CNTN5: variants seen among roughly 807,000 people sequenced by gnomAD.
CNTN5 encodes the protein contactin 5.
Under a neutral mutation model 129.1 loss-of-function variants are expected in CNTN5, and 77 were observed. The observed-to-expected ratio is 0.60, with a 90% confidence interval of 0.50 to 0.72. CNTN5 has a LOEUF of 0.72. CNTN5 is among the 30% of genes least tolerant of loss of function. The pLI is 0.00. For synonymous variants in CNTN5, 509 were observed against 465.6 expected (o/e 1.09, Z -1.20); for missense variants, 1,478 against 1,328.8 (o/e 1.11, Z -1.75).
chr11:99,989,684 T>C (rs1938929536), intron 8 of CNTN5, among the ~76,000 whole-genome samples: 1 of 152,214 alleles, frequency 6.6e-6, no homozygotes, highest in South Asian at 2.1e-4. Context: ...ATAATAAACA[T>C]CTACTTTTCT....
At chr11:99,852,888 C>G (rs1197740649) in intron 6 of CNTN5, among the ~76,000 whole-genome samples, 3 of 152,050 alleles carry the variant, frequency 2.0e-5, no homozygotes, top group African/African-American at 2.4e-5. Flanking sequence ...AGACCTTTCC[C>G]AAGCATAGGA....
At chr11:99,456,166 A>G (rs79375640) in intron 2 of CNTN5, among the ~76,000 whole-genome samples, 2,382 of 152,276 alleles carry the variant, frequency 0.016, 66 homozygotes, top group African/African-American at 0.054. Flanking sequence ...GAAATGAAAT[A>G]ATTGCATTAA....
chr11:99,861,566 A>G (rs766801672), intron 6 of CNTN5, among the ~76,000 whole-genome samples: 4 of 152,162 alleles, frequency 2.6e-5, no homozygotes, highest in Non-Finnish European at 4.4e-5. Context: ...TATTGGTTTT[A>G]TTATGTGTAG....
chr11:100,139,138 A>C (rs1257343087), intron 13 of CNTN5, among the ~76,000 whole-genome samples: 2 of 152,158 alleles, frequency 1.3e-5, no homozygotes, highest in Non-Finnish European at 2.9e-5. Context: ...AATATAAATA[A>C]GAATATTTGA....
intron 1 of CNTN5, among the ~76,000 whole-genome samples, chr11:99,259,485 C>T (rs1283138359): frequency 6.6e-6 from 1 of 151,774 alleles, no homozygotes; most frequent in Non-Finnish European, 1.5e-5. Flanking sequence ...AAGTATAGCT[C>T]CAATTCACTC....
intron 2 of CNTN5, among the ~76,000 whole-genome samples, chr11:99,347,579 A>C (rs1260461231): frequency 6.6e-6 from 1 of 152,172 alleles, no homozygotes; most frequent in Non-Finnish European, 1.5e-5. Flanking sequence ...CCCACTTTTC[A>C]TGAGTCTGAC....
intron 2 of CNTN5, among the ~76,000 whole-genome samples, chr11:99,433,371 A>AATGTGTGTG (rs1555143805): frequency 0.012 from 1,724 of 140,846 alleles, 35 homozygotes; most frequent in East Asian, 0.087. Context: ...TAAAAAAAAA[A>AATGTGTGTG]TGTGTGTGTG....
chr11:100,060,926 C>T (rs187886125), intron 9 of CNTN5, among the ~76,000 whole-genome samples: 7 of 151,398 alleles, frequency 4.6e-5, no homozygotes, highest in Non-Finnish European at 1.0e-4. Flanking sequence ...CAGGTGTGAG[C>T]CACTGCACCT....
chr11:99,519,627 T>C (rs1947195548), intron 2 of CNTN5, among the ~76,000 whole-genome samples: 1 of 152,098 alleles, frequency 6.6e-6, no homozygotes, highest in South Asian at 2.1e-4. Flanking sequence ...ATTTCTACTT[T>C]TATCATATAT....
At chr11:100,330,393 T>C (rs879368208) in intron 21 of CNTN5, among the ~76,000 whole-genome samples, 34 of 152,216 alleles carry the variant, frequency 2.2e-4, no homozygotes, top group Non-Finnish European at 5.9e-5. Context: ...CTAAAAGTTT[T>C]GAAAACATAC....
chr11:100,258,305 C>T (rs577880682), intron 17 of CNTN5, among the ~76,000 whole-genome samples: 4 of 152,224 alleles, frequency 2.6e-5, no homozygotes, highest in African/African-American at 9.6e-5. Flanking sequence ...ACCAAATATA[C>T]GTTTGACTGG....
intron 2 of CNTN5, among the ~76,000 whole-genome samples, chr11:99,371,027 T>A (rs2136131953): frequency 6.6e-6 from 1 of 152,222 alleles, no homozygotes; most frequent in South Asian, 2.1e-4. Flanking sequence ...CTGCTCAGGG[T>A]AATTGGCTCT....
At chr11:99,608,118 A>G (rs996325957) in intron 3 of CNTN5, among the ~76,000 whole-genome samples, 2 of 149,774 alleles carry the variant, frequency 1.3e-5, no homozygotes, top group African/African-American at 5.0e-5. Context: ...AAAAAAAATC[A>G]CAGTGTTTGT....
intron 2 of CNTN5, among the ~76,000 whole-genome samples, chr11:99,334,678 T>C (rs1175932644): frequency 1.3e-5 from 2 of 152,012 alleles, no homozygotes; most frequent in Non-Finnish European, 2.9e-5. Flanking sequence ...CTAGTTTGAA[T>C]TAAGGTGTGT....
At chr11:99,288,532 A>G (rs1240980968) in intron 1 of CNTN5, among the ~76,000 whole-genome samples, 1 of 151,842 alleles carries the variant, frequency 6.6e-6, no homozygotes, top group Non-Finnish European at 1.5e-5. Flanking sequence ...TTGTGTGTCA[A>G]TTTCAAGATA....
chr11:100,084,142 A>G (rs1944463696), intron 13 of CNTN5, among the ~76,000 whole-genome samples: 1 of 152,142 alleles, frequency 6.6e-6, no homozygotes, highest in African/African-American at 2.4e-5. Flanking sequence ...GTTACTATAA[A>G]TTGCTTCACA....
chr11:99,991,389 C>G (rs565493225), intron 8 of CNTN5, among the ~76,000 whole-genome samples: 77 of 152,260 alleles, frequency 5.1e-4, no homozygotes, highest in Middle Eastern at 6.8e-3. Context: ...ATGGCCTGAA[C>G]CCGGGAGGCA....
At chr11:100,002,373 T>C (rs1182461072) in intron 9 of CNTN5, among the ~76,000 whole-genome samples, 1 of 152,160 alleles carries the variant, frequency 6.6e-6, no homozygotes, top group Non-Finnish European at 1.5e-5. Flanking sequence ...AAAACTTCTT[T>C]AATGAATAAA....
chr11:99,577,054 T>C lies in CNTN5; in HGVS notation c.55+20785T>C, dbSNP rs943853073. Among the ~76,000 whole-genome samples the C allele has an allele frequency of 9.2e-5, 14 of 152,184 alleles. 1 individual carries two copies. Among genetic ancestry groups the C allele is most frequent in the African/African-American group, 3.4e-4 (14 of 41,444 alleles). On this transcript the variant is annotated intron_variant, in intron 3 of 24. Transcript: ENST00000524871. ...TGGTATTATGAATTTCTTTTATTAA[T>C]CAAAGTTTCGGTAGAGGTCTTTATT...
Sources: allele counts gnomAD v4.1 joint callset (sites outside exome capture counted in the v4.1 genomes callset), GRCh38; gene constraint gnomAD v4.1.1; transcripts MANE v1.5; gene names NCBI Gene and HGNC (gene_info 2026-07-23, HGNC 2026-07-21).